BMPR1A: variants seen among roughly 807,000 people sequenced by gnomAD.
BMPR1A encodes the protein bone morphogenetic protein receptor type 1A.
BMPR1A carries 7 observed loss-of-function variants against 66.0 expected under a neutral mutation model. The ratio of observed to expected loss-of-function variants is 0.11; its 90% CI spans 0.06 to 0.20. The LOEUF (loss-of-function observed/expected upper bound fraction) is 0.20. BMPR1A is among the 10% of genes least tolerant of loss of function. The pLI, the probability that BMPR1A is intolerant of heterozygous loss-of-function variation, is 1.00. For missense variants in BMPR1A, 408 were observed against 669.1 expected, an observed-to-expected ratio of 0.61 and a Z score of 4.31; for synonymous variants, 200 against 229.7, an observed-to-expected ratio of 0.87 and a Z score of 1.17.
Position 86,831,304 on chromosome 10 carries a change from GT to G in BMPR1A, c.-267-7554del, listed in dbSNP as rs1055996551. Among the ~76,000 whole-genome samples the G allele has an allele frequency of 4.4e-4, 67 of 152,108 alleles. 1 individual carries two copies. The highest frequency in any genetic ancestry group is 3.2e-4 in the Non-Finnish European group (22 of 67,972). On this transcript the variant is annotated intron_variant, in intron 1 of 12. Coordinates refer to ENST00000372037, the MANE Select transcript of BMPR1A (RefSeq NM_004329.3). ...TAATGGAGGATTAACTTATTTTATA[GT>G]TTTTTTCTTCGATATTTGGGATGTC...
intron 2 of BMPR1A, among the ~76,000 whole-genome samples, chr10:86,858,866 T>C (rs552364578): frequency 6.6e-6 from 1 of 152,228 alleles, no homozygotes; most frequent in East Asian, 1.9e-4. Context: ...AAGCTATAGA[T>C]TCAATGCAAT....
chr10:86,781,532 T>G (rs1349441290), intron 1 of BMPR1A, among the ~76,000 whole-genome samples: 1 of 152,184 alleles, frequency 6.6e-6, no homozygotes, highest in Non-Finnish European at 1.5e-5. Context: ...TGTACAAATT[T>G]TAGGATTTGT....
chr10:86,921,498 C>T (rs765582492), intron 10 of BMPR1A, 22 bp from the exon 11 acceptor site: 1 of 1,613,528 alleles, frequency 6.2e-7, no homozygotes, highest in East Asian at 2.2e-5. Context: ...TCAACTTGGA[C>T]CTTGGCTTTC....
intron 1 of BMPR1A, among the ~76,000 whole-genome samples, chr10:86,762,306 G>A (rs1423497537): frequency 2.6e-5 from 4 of 152,190 alleles, no homozygotes; most frequent in African/African-American, 4.8e-5. Context: ...TATAGACCTC[G>A]TATCGAGAAC....
chr10:86,872,755 G>A (rs1475641080), intron 2 of BMPR1A, among the ~76,000 whole-genome samples: 1 of 152,062 alleles, frequency 6.6e-6, no homozygotes, highest in Admixed American at 6.6e-5. Context: ...AGATTTGTTT[G>A]TTTGTTAAGA....
chr10:86,771,318 C>T (rs1257418033), intron 1 of BMPR1A, among the ~76,000 whole-genome samples: 3 of 152,130 alleles, frequency 2.0e-5, no homozygotes, highest in Admixed American at 2.0e-4. Flanking sequence ...AATTAATATT[C>T]AGCTGTTATT....
At position 86,924,594 on chromosome 10, in the gene BMPR1A, C is replaced by A. The variant is rs1843714530; in HGVS notation, c.*875C>A. On this transcript the variant is annotated 3_prime_UTR_variant, in exon 13 of 13. Coordinates refer to ENST00000372037, the MANE Select transcript of BMPR1A (RefSeq NM_004329.3). Reference sequence around the variant, plus strand: ...CTTCTATTGCCATGAACCATGCTTACAAAGAAAGCACTTCTTATTGAAGTG... The same window carrying A: ...CTTCTATTGCCATGAACCATGCTTAAAAAGAAAGCACTTCTTATTGAAGTG... 1 of 233,336 alleles carries A rather than the reference C, an allele frequency of 4.3e-6. No homozygotes were observed. Among genetic ancestry groups the A allele is most frequent in the South Asian group, 1.8e-4 (1 of 5,538 alleles). The allele number at this position is 233,336 out of a possible 1,614,324, so 14.5% of individuals were successfully genotyped here.
At chr10:86,792,580 G>A (rs905173678) in intron 1 of BMPR1A, among the ~76,000 whole-genome samples, 1 of 152,162 alleles carries the variant, frequency 6.6e-6, no homozygotes, top group Non-Finnish European at 1.5e-5. Context: ...AGGATTGCTT[G>A]AGTCCAGGAG....
chr10:86,760,064 T>A (rs973178362), intron 1 of BMPR1A, among the ~76,000 whole-genome samples: 16 of 150,080 alleles, frequency 1.1e-4, no homozygotes, highest in Non-Finnish European at 1.9e-4. Flanking sequence ...CTCCTTTATC[T>A]AATCTTATGT....
At position 86,921,619 on chromosome 10, in the gene BMPR1A, C is replaced by T. The variant is rs786202823; in HGVS notation, c.1266C>T (p.Phe422=). Residue 422 remains phenylalanine, a synonymous_variant, in exon 11 of 13, where the codon TTC becomes TTT. Transcript: ENST00000372037. Reference sequence around the variant, plus strand: ...ACGAAAGCCTGAACAAAAACCACTTCCAGCCCTACATCATGGCTGACATCT... The same window carrying T: ...ACGAAAGCCTGAACAAAAACCACTTTCAGCCCTACATCATGGCTGACATCT... ...VLDESLNKNH[F]QPYIMADIYS... 1.3e-5 allele frequency: 21 copies of T among 1,614,190 alleles called. No homozygotes were observed. Among genetic ancestry groups the T allele is most frequent in the Non-Finnish European group, 1.7e-5 (20 of 1,180,030 alleles).
intron 2 of BMPR1A, among the ~76,000 whole-genome samples, chr10:86,849,566 G>T (rs1045110785): frequency 6.6e-6 from 1 of 152,288 alleles, no homozygotes; most frequent in Non-Finnish European, 1.5e-5. Flanking sequence ...ACACTGGCTT[G>T]TCAGGATTGG....
At chr10:86,856,069 CA>C in intron 2 of BMPR1A, 1 of 573,908 alleles carries the variant, frequency 1.7e-6, no homozygotes. Context: ...TGCTTCATAA[CA>C]AAAATTGCTG....
chr10:86,909,912 G>A (rs1221651694), intron 7 of BMPR1A, among the ~76,000 whole-genome samples: 1 of 152,062 alleles, frequency 6.6e-6, no homozygotes, highest in Non-Finnish European at 1.5e-5. Context: ...GATTCCAACT[G>A]GTTCACCCTT....
intron 1 of BMPR1A, among the ~76,000 whole-genome samples, chr10:86,836,702 G>A (rs1333549787): frequency 6.6e-6 from 1 of 152,204 alleles, no homozygotes; most frequent in Non-Finnish European, 1.5e-5. Flanking sequence ...GGAGGCTGAG[G>A]TGGGAGGATT....
chr10:86,893,489 T>G (rs1458796670), intron 5 of BMPR1A, among the ~76,000 whole-genome samples: 1 of 152,186 alleles, frequency 6.6e-6, no homozygotes, highest in Non-Finnish European at 1.5e-5. Flanking sequence ...TCCTATTATT[T>G]GGAAATTCTC....
chr10:86,894,506 T>A lies in BMPR1A; in HGVS notation c.333+2277T>A, dbSNP rs1843198373. ...ATACATTTTTTAATCACTTAAAAAA[T>A]TGAAGAAAGAGCTATGGTTAGGGTA... On this transcript the variant is annotated intron_variant, in intron 5 of 12. Coordinates refer to ENST00000372037, the MANE Select transcript of BMPR1A (RefSeq NM_004329.3). 2.6e-5 allele frequency among the ~76,000 whole-genome samples: 4 copies of A among 152,228 alleles called. No individual in the cohort carries two copies. In the South Asian group the frequency reaches 8.3e-4, roughly 32 times the overall value.
intron 7 of BMPR1A, among the ~76,000 whole-genome samples, chr10:86,910,734 ATACTT>A (rs1217539199): frequency 3.3e-5 from 5 of 152,242 alleles, no homozygotes; most frequent in Admixed American, 6.5e-5. Context: ...TATATGGAAA[ATACTT>A]TAATTTGTTT....
At chr10:86,893,730 G>A (rs1564716017) in intron 5 of BMPR1A, among the ~76,000 whole-genome samples, 1 of 151,816 alleles carries the variant, frequency 6.6e-6, no homozygotes, top group Non-Finnish European at 1.5e-5. Flanking sequence ...GGAGCTTGCA[G>A]TGAGCTGAGA....
At chr10:86,896,666 T>C (rs1843228056) in intron 5 of BMPR1A, among the ~76,000 whole-genome samples, 1 of 152,214 alleles carries the variant, frequency 6.6e-6, no homozygotes. Context: ...TTCTACTGAA[T>C]GCATTAAAAA....
Sources: allele counts gnomAD v4.1 joint callset (sites outside exome capture counted in the v4.1 genomes callset), GRCh38; gene constraint gnomAD v4.1.1; transcripts MANE v1.5; gene names NCBI Gene and HGNC (gene_info 2026-07-23, HGNC 2026-07-21).